The following CCBE1 variants were observed in gnomAD, a reference collection of about 807,000 sequenced individuals.
CCBE1 encodes collagen and calcium-binding EGF domain-containing protein 1.
Under a neutral mutation model 50.0 loss-of-function variants are expected in CCBE1, and 37 were observed. The observed-to-expected ratio is 0.74, with a 90% confidence interval of 0.57 to 0.97. The LOEUF (loss-of-function observed/expected upper bound fraction) is 0.97, where lower values mean the gene tolerates loss of function less well. CCBE1 is among the 50% of genes least tolerant of loss of function. The probability of loss-of-function intolerance (pLI) is 0.00; values close to 1 mark genes in which losing one functional copy is unlikely to be tolerated. For synonymous variants in CCBE1, 234 were observed against 203.7 expected, an observed-to-expected ratio of 1.15 and a Z score of -1.27; for missense variants, 538 against 523.8, an observed-to-expected ratio of 1.03 and a Z score of -0.26.
intron 2 of CCBE1, among the ~76,000 whole-genome samples, chr18:59,589,550 T>C (rs2043042): frequency 0.57 from 86,257 of 151,978 alleles, 26,414 homozygotes; most frequent in African/African-American, 0.8. Context: ...AATCCCAGCA[T>C]TTTGGGAGGC....
chr18:59,563,223 A>T (rs2052768426), intron 2 of CCBE1, among the ~76,000 whole-genome samples: 1 of 152,130 alleles, frequency 6.6e-6, no homozygotes, highest in African/African-American at 2.4e-5. Flanking sequence ...TTCCAATATA[A>T]AACCCCAACT....
At position 59,641,309 on chromosome 18, in the gene CCBE1, A is replaced by G. The variant is rs116172052; in HGVS notation, c.212+55320T>C. The stretch of plus-strand genomic sequence containing the variant: ...AGAAGATCATGTCCTTTGCAACAAC[A>G]GGGATGGAGCTAAAAGCAAACTAAC... On this transcript the variant is annotated intron_variant, in intron 2 of 10. Transcript: ENST00000439986. Among the ~76,000 whole-genome samples, 1,014 of 152,296 alleles carry G rather than the reference A, an allele frequency of 6.7e-3. 6 individuals carry two copies. Among genetic ancestry groups the G allele is most frequent in the African/African-American group, 0.022 (925 of 41,562 alleles).
intron 2 of CCBE1, among the ~76,000 whole-genome samples, chr18:59,641,588 C>T (rs1311401073): frequency 6.6e-6 from 1 of 152,170 alleles, no homozygotes; most frequent in Non-Finnish European, 1.5e-5. Flanking sequence ...CACATGTACC[C>T]CTGAACCTAA....
rs138249445 is a variant in CCBE1 at position 59,604,113 on chromosome 18, A to T, written c.212+92516T>A. ...AGGCAAATAAGGAAGGATCCAATGG[A>T]GAAAGTAGGCAGAAGAAACTGGAAA... On this transcript the variant is annotated intron_variant, in intron 2 of 10. Coordinates refer to ENST00000439986, the MANE Select transcript of CCBE1 (RefSeq NM_133459.4). 3.9e-5 allele frequency among the ~76,000 whole-genome samples: 6 copies of T among 152,294 alleles called. No homozygotes were observed. In the East Asian group the frequency reaches 1.2e-3, roughly 29 times the overall value.
In CCBE1 at chr18:59,541,380, A is replaced by T. The variant is rs189364874; in HGVS notation, c.213-61142T>A. On this transcript the variant is annotated intron_variant, in intron 2 of 10. Coordinates refer to ENST00000439986, the MANE Select transcript of CCBE1 (RefSeq NM_133459.4). ...AGGTTTATACCAAACATAGGCAAAA[A>T]ATTCTACATTAAATAATTTAAGTAG... 6.1e-3 allele frequency among the ~76,000 whole-genome samples: 926 copies of T among 152,326 alleles called. 6 individuals carry two copies. Among genetic ancestry groups the T allele is most frequent in the Admixed American group, 0.014 (218 of 15,308 alleles).
intron 2 of CCBE1, among the ~76,000 whole-genome samples, chr18:59,648,068 A>G (rs1290696502): frequency 6.6e-6 from 1 of 152,256 alleles, no homozygotes; most frequent in Non-Finnish European, 1.5e-5. Flanking sequence ...AAATGAGAAA[A>G]GTGTATGAAC....
chr18:59,469,814 C>T (rs1210854242), intron 3 of CCBE1, among the ~76,000 whole-genome samples: 1 of 152,218 alleles, frequency 6.6e-6, no homozygotes, highest in Admixed American at 6.5e-5. Flanking sequence ...CATCACATCA[C>T]TCGTGATTTT....
intron 2 of CCBE1, among the ~76,000 whole-genome samples, chr18:59,583,700 C>CGTGT (rs878886936): frequency 6.9e-6 from 1 of 144,776 alleles, no homozygotes; most frequent in Non-Finnish European, 1.6e-5. Flanking sequence ...CGCGCGCGCG[C>CGTGT]GTGTGTGTGT....
intron 2 of CCBE1, among the ~76,000 whole-genome samples, chr18:59,633,729 T>A (rs1195735699): frequency 2.7e-5 from 4 of 149,646 alleles, no homozygotes; most frequent in Non-Finnish European, 5.9e-5. Flanking sequence ...AATTTAGGGT[T>A]TGTTTTTTTT....
At chr18:59,531,333 C>A (rs1915040623) in intron 2 of CCBE1, among the ~76,000 whole-genome samples, 1 of 152,092 alleles carries the variant, frequency 6.6e-6, no homozygotes, top group South Asian at 2.1e-4. Context: ...ACCAAATTTA[C>A]TTTCAACCAC....
chr18:59,601,501 C>G (rs756164107), intron 2 of CCBE1, among the ~76,000 whole-genome samples: 8 of 152,192 alleles, frequency 5.3e-5, no homozygotes, highest in Non-Finnish European at 8.8e-5. Context: ...CCGTGTGGAA[C>G]TGTGAGTCCA....
At chr18:59,524,197 G>A (rs942276447) in intron 2 of CCBE1, among the ~76,000 whole-genome samples, 17 of 152,096 alleles carry the variant, frequency 1.1e-4, no homozygotes, top group African/African-American at 3.6e-4. Flanking sequence ...GTACATGCCC[G>A]TAATCCCAGT....
At chr18:59,469,448 G>A (rs1911914993) in intron 4 of CCBE1, 25 bp downstream of exon 4, 1 of 1,614,094 alleles carries the variant, frequency 6.2e-7, no homozygotes, top group African/African-American at 1.3e-5. Flanking sequence ...TTCAGAAGCT[G>A]GAAACAAGCA....
intron 2 of CCBE1, among the ~76,000 whole-genome samples, chr18:59,590,119 C>A (rs150049516): frequency 2.9e-4 from 44 of 152,272 alleles, no homozygotes; most frequent in African/African-American, 1.0e-3. Context: ...ACAGACACTA[C>A]CCCCACTACT....
chr18:59,450,306 G>A (rs983724982), intron 6 of CCBE1, among the ~76,000 whole-genome samples: 3 of 152,104 alleles, frequency 2.0e-5, no homozygotes, highest in African/African-American at 7.2e-5. Context: ...TAGATGGATG[G>A]CGCTGTTCTC....
chr18:59,631,514 A>G (rs2053848295), intron 2 of CCBE1, among the ~76,000 whole-genome samples: 1 of 152,210 alleles, frequency 6.6e-6, no homozygotes, highest in Non-Finnish European at 1.5e-5. Context: ...GCACTTATGG[A>G]ATGAGCCTCT....
intron 6 of CCBE1, among the ~76,000 whole-genome samples, chr18:59,448,832 T>C (rs1910800841): frequency 6.6e-6 from 1 of 152,212 alleles, no homozygotes; most frequent in Non-Finnish European, 1.5e-5. Flanking sequence ...GCCAGCTTTG[T>C]ACAACTTCAA....
In CCBE1 at chr18:59,433,058, CCTCT is replaced by C. The variant is rs1259753013; in HGVS notation, c.*2846_*2849del. ...GATGGGAATCAACAGCTGTTCAGTT[CCTCT>C]CTCTATAAACCCGTGGTTGGTGTGG... On this transcript the variant is annotated 3_prime_UTR_variant, in exon 11 of 11. Transcript: ENST00000439986. 3 of 151,944 alleles carry C rather than the reference CCTCT, an allele frequency of 2.0e-5. No homozygotes were observed. Among genetic ancestry groups the C allele is most frequent in the African/African-American group, 7.3e-5 (3 of 41,348 alleles). 9.4% of individuals were successfully genotyped at this position (151,944 alleles called of 1,614,324 possible). A position where few individuals can be genotyped will look rare whatever the true frequency, so the allele number is the denominator to read the frequency against.
At chr18:59,439,420 T>C in intron 9 of CCBE1, 123 bp downstream of exon 9, 3 of 1,188,904 alleles carry the variant, frequency 2.5e-6, no homozygotes, top group Admixed American at 1.7e-5. Context: ...TGAGCCAAGA[T>C]TGTGCCATTG....
Sources: gnomAD v4.1 joint callset for allele counts (sites outside exome capture counted in the v4.1 genomes callset) on GRCh38, gnomAD v4.1.1 for gene constraint, MANE v1.5 for transcripts, NCBI Gene and HGNC (gene_info 2026-07-23, HGNC 2026-07-21) for gene names.